EARS2: variants seen among roughly 807,000 people sequenced by gnomAD.
The protein encoded by EARS2 is glutamyl-tRNA synthetase 2, mitochondrial.
A neutral mutation model predicts 54.1 loss-of-function variants in EARS2; 50 were observed. The observed-to-expected ratio is 0.92, with a 90% CI of 0.74 to 1.17. The LOEUF (loss-of-function observed/expected upper bound fraction) is 1.17. Among genes scored for constraint, EARS2 ranks in the 50% most tolerant of loss-of-function variants. EARS2 has a pLI of 0.00. For missense variants in EARS2, 673 were observed against 675.0 expected (o/e 1.00, Z 0.03); for synonymous variants, 298 against 281.0 (o/e 1.06, Z -0.61).
intron 2 of EARS2, 123 bp downstream of exon 2, chr16:23,552,026 A>G: frequency 7.8e-7 from 1 of 1,276,064 alleles, no homozygotes. Flanking sequence ...GGGCAGTACA[A>G]ATGTAGCCAC....
At chr16:23,546,413 T>C (rs961371086) in intron 2 of EARS2, 11 of 455,976 alleles carry the variant, frequency 2.4e-5, no homozygotes, top group African/African-American at 1.6e-4. Context: ...GCAAGTCATC[T>C]TTCTGGGCTC....
chr16:23,529,668 C>T, intron 6 of EARS2, 36 bp from the exon 7 acceptor site: 1 of 1,613,310 alleles, frequency 6.2e-7, no homozygotes, highest in Non-Finnish European at 8.5e-7. Context: ...GCACTAGGGA[C>T]AGGGCTCTGG....
chr16:23,529,804 C>G lies in EARS2; in HGVS notation c.1161G>C (p.Gln387His). ...GGTTGAGGACATCCCTGTTTTGCAG[C>G]TGGCAACCAAAGGCCTCCTCCACAA... ...QVLVEEAFGC[Q>H]LQNRDVLNPV... Residue 387 changes from glutamine to histidine, a missense_variant, in exon 6 of 9, where the codon CAG becomes CAC. By Grantham distance (24) the Gln-to-His change is conservative. Coordinates refer to ENST00000449606, the MANE Select transcript of EARS2 (RefSeq NM_001083614.2). 1 of 1,614,176 alleles carries G rather than the reference C, an allele frequency of 6.2e-7. No individual in the cohort carries two copies. Among genetic ancestry groups the G allele is most frequent in the South Asian group, 1.1e-5 (1 of 91,080 alleles).
At chr16:23,553,093 A>C (rs1965722522) in intron 1 of EARS2, 1 of 361,538 alleles carries the variant, frequency 2.8e-6, no homozygotes, top group Admixed American at 3.0e-5. Context: ...ACGCCTCTGC[A>C]CTCCAGCCTG....
intron 1 of EARS2, among the ~76,000 whole-genome samples, chr16:23,553,924 A>C (rs1965735956): frequency 6.6e-6 from 1 of 152,054 alleles, no homozygotes; most frequent in Non-Finnish European, 1.5e-5. Context: ...CACATTTTGC[A>C]TATGCAGTCT....
In EARS2 at chr16:23,550,245, T is replaced by C. The variant is rs1965671195; in HGVS notation, c.295+1904A>G. ...AGCTGGGCATGGTGGCACACAGCTATGGTGCCAGCTACCCAGGAGGCTAAG... is the reference window on the plus strand; with the variant it reads ...AGCTGGGCATGGTGGCACACAGCTACGGTGCCAGCTACCCAGGAGGCTAAG... On this transcript the variant is annotated intron_variant, in intron 2 of 8. Coordinates refer to ENST00000449606, the MANE Select transcript of EARS2 (RefSeq NM_001083614.2). Among the ~76,000 whole-genome samples, 4 of 151,854 alleles carry C rather than the reference T, an allele frequency of 2.6e-5. No individual in the cohort carries two copies. In the South Asian group the frequency reaches 8.3e-4, roughly 32 times the overall value.
intron 2 of EARS2, among the ~76,000 whole-genome samples, chr16:23,546,116 G>A (rs908573690): frequency 6.6e-6 from 1 of 152,136 alleles, no homozygotes; most frequent in Admixed American, 6.6e-5. Flanking sequence ...GTATATTTAG[G>A]ACAGTTTCAA....
intron 2 of EARS2, 113 bp from the exon 3 acceptor site, chr16:23,544,816 G>C: frequency 9.9e-7 from 1 of 1,010,656 alleles, no homozygotes; most frequent in South Asian, 1.8e-5. Context: ...AATCCATGAG[G>C]TTGGCATTAG....
chr16:23,542,004 A>G (rs1374890732), intron 3 of EARS2, among the ~76,000 whole-genome samples: 3 of 151,732 alleles, frequency 2.0e-5, no homozygotes, highest in Non-Finnish European at 4.4e-5. Context: ...GATTATAGGC[A>G]CCCGCCATCA....
intron 5 of EARS2, among the ~76,000 whole-genome samples, chr16:23,530,512 G>A (rs1597010100): frequency 1.3e-5 from 2 of 152,034 alleles, no homozygotes; most frequent in Non-Finnish European, 1.5e-5. Flanking sequence ...GGAGTGCAGT[G>A]GTGCGACCTC....
intron 3 of EARS2, among the ~76,000 whole-genome samples, chr16:23,542,320 T>TTTC (rs1046295128): frequency 3.3e-5 from 4 of 122,378 alleles, no homozygotes; most frequent in South Asian, 2.6e-4. Flanking sequence ...ATTTTTCTTT[T>TTTC]TTTTTTTTTT....
rs190034135 is a variant in EARS2 at position 23,549,894 on chromosome 16, A to G, written c.295+2255T>C. On this transcript the variant is annotated intron_variant, in intron 2 of 8. Coordinates refer to ENST00000449606, the MANE Select transcript of EARS2 (RefSeq NM_001083614.2). ...GCATTGGCTATTCTTTTTGCTTTGA[A>G]CATTCTTCCCCCAGGTCACCACGGG... Among the ~76,000 whole-genome samples the G allele has an allele frequency of 1.4e-3, 210 of 152,208 alleles. 2 individuals are homozygous for G. The highest frequency in any genetic ancestry group is 4.6e-3 in the African/African-American group (191 of 41,512).
chr16:23,532,852 G>T, intron 4 of EARS2, 87 bp from the exon 5 acceptor site: 3 of 925,472 alleles, frequency 3.2e-6, no homozygotes, highest in Non-Finnish European at 5.0e-6. Flanking sequence ...ACAGGATCTT[G>T]CTCTGCTGCC....
chr16:23,543,245 C>A (rs1567386364), intron 3 of EARS2, among the ~76,000 whole-genome samples: 2 of 151,272 alleles, frequency 1.3e-5, no homozygotes, highest in Non-Finnish European at 2.9e-5. Flanking sequence ...ATAGTGAGAT[C>A]CCCATCTTTA....
intron 3 of EARS2, among the ~76,000 whole-genome samples, chr16:23,544,286 G>T (rs1965564176): frequency 6.6e-6 from 1 of 152,180 alleles, no homozygotes; most frequent in African/African-American, 2.4e-5. Context: ...GATGGAAGTA[G>T]ATCTTCCCCA....
chr16:23,556,490 G>T (rs2234419), intron 1 of EARS2, among the ~76,000 whole-genome samples: 12,423 of 152,230 alleles, frequency 0.082, 893 homozygotes, highest in African/African-American at 0.19. Context: ...AAGTAGCTGG[G>T]ATTACAGGCA....
At chr16:23,541,879 G>A (rs1026890156) in intron 3 of EARS2, among the ~76,000 whole-genome samples, 22 of 149,270 alleles carry the variant, frequency 1.5e-4, no homozygotes, top group African/African-American at 5.4e-4. Flanking sequence ...TTTTTTTGGA[G>A]ATGGAGTCTT....
intron 3 of EARS2, among the ~76,000 whole-genome samples, chr16:23,540,803 T>G (rs1381639344): frequency 6.6e-6 from 1 of 151,776 alleles, no homozygotes; most frequent in African/African-American, 2.4e-5. Context: ...GGTAACACGG[T>G]GAAACCCCGT....
chr16:23,529,479 G>A, intron 7 of EARS2, 23 bp downstream of exon 7: 11 of 1,609,932 alleles, frequency 6.8e-6, no homozygotes, highest in Non-Finnish European at 9.3e-6. Flanking sequence ...GTGGAACCCT[G>A]AGCTCAGCCT....
Sources: allele counts gnomAD v4.1 joint callset (sites outside exome capture counted in the v4.1 genomes callset), GRCh38; gene constraint gnomAD v4.1.1; transcripts MANE v1.5; gene names NCBI Gene and HGNC (gene_info 2026-07-23, HGNC 2026-07-21).